The following ADAMTS17 variants were observed in gnomAD, a reference collection of about 807,000 sequenced individuals.
ADAMTS17 encodes A disintegrin and metalloproteinase with thrombospondin motifs 17.
A neutral mutation model predicts 141.5 loss-of-function variants in ADAMTS17; 113 were observed. That is an observed-to-expected ratio of 0.80 (90% CI 0.69 to 0.93). The LOEUF (loss-of-function observed/expected upper bound fraction) is 0.93. Ranked by LOEUF, ADAMTS17 falls within the 40% of genes least tolerant of loss-of-function variation. The pLI is 0.00. For missense variants in ADAMTS17, 1,659 were observed against 1,517.9 expected (o/e 1.09, Z -1.54); for synonymous variants, 768 against 630.6 (o/e 1.22, Z -3.27).
chr15:100,280,723 G>A (rs759224086), intron 4 of ADAMTS17, among the ~76,000 whole-genome samples: 1 of 152,152 alleles, frequency 6.6e-6, no homozygotes. Flanking sequence ...AACATTTGAG[G>A]AGTCAGCCTC....
At chr15:100,166,954 G>A (rs186997396) in intron 8 of ADAMTS17, among the ~76,000 whole-genome samples, 1 of 152,224 alleles carries the variant, frequency 6.6e-6, no homozygotes, top group South Asian at 2.1e-4. Context: ...GCAGGCTATT[G>A]GTATGTAGCC....
In ADAMTS17 at chr15:100,048,869, G is replaced by A. The variant is rs1442671769; in HGVS notation, c.2579C>T (p.Pro860Leu). 6.2e-7 allele frequency: 1 copy of A among 1,614,170 alleles called. No homozygotes were observed. Among genetic ancestry groups the A allele is most frequent in the South Asian group, 1.1e-5 (1 of 91,088 alleles). Residue 860 changes from proline to leucine, a missense_variant, in exon 18 of 22, where the codon CCC (proline) becomes CTC (leucine). Transcript: ENST00000268070. ...EPQVRRCNLH[P>L]CQSRWVAGPW... ...CCCAGCTTCTTACCGTGACTGGCAG[G>A]GGTGCAAGTTGCACCTTCGGACCTG...
chr15:100,145,404 A>G (rs2038853911), intron 10 of ADAMTS17, among the ~76,000 whole-genome samples: 1 of 152,234 alleles, frequency 6.6e-6, no homozygotes, highest in African/African-American at 2.4e-5. Flanking sequence ...TACAGCATCT[A>G]GCAAGTAGTA....
At chr15:100,217,762 G>A (rs1567372839) in intron 7 of ADAMTS17, among the ~76,000 whole-genome samples, 1 of 152,134 alleles carries the variant, frequency 6.6e-6, no homozygotes, top group Non-Finnish European at 1.5e-5. Context: ...TTCCCACAGT[G>A]GGAAATGATA....
intron 3 of ADAMTS17, among the ~76,000 whole-genome samples, chr15:100,293,446 C>CT (rs577359631): frequency 1.1e-4 from 17 of 152,106 alleles, no homozygotes; most frequent in South Asian, 6.2e-4. Context: ...GGAGATAATG[C>CT]TTTTTTTTCT....
chr15:100,086,528 AT>A (rs2035111724), intron 15 of ADAMTS17, among the ~76,000 whole-genome samples: 1 of 152,160 alleles, frequency 6.6e-6, no homozygotes, highest in African/African-American at 2.4e-5. Context: ...TCCACCCCAA[AT>A]CAACAGAATA....
At chr15:100,060,270 G>C (rs12915818) in intron 15 of ADAMTS17, among the ~76,000 whole-genome samples, 81,237 of 152,176 alleles carry the variant, frequency 0.53, 24,658 homozygotes, top group Non-Finnish European at 0.69. Context: ...GCTCTCAACA[G>C]TTAGACTTCT....
intron 15 of ADAMTS17, among the ~76,000 whole-genome samples, chr15:100,090,881 G>A (rs1333377552): frequency 6.6e-6 from 1 of 151,840 alleles, no homozygotes; most frequent in South Asian, 2.1e-4. Flanking sequence ...GGTGGTGCAT[G>A]CCAGTAATCT....
chr15:100,004,107 T>A (rs77221208), intron 18 of ADAMTS17, among the ~76,000 whole-genome samples: 1,828 of 152,356 alleles, frequency 0.012, 31 homozygotes, highest in African/African-American at 0.038. Context: ...AGAAGCGAAG[T>A]GTTTCTTAAG....
intron 3 of ADAMTS17, among the ~76,000 whole-genome samples, chr15:100,328,172 A>G (rs1431949379): frequency 6.6e-6 from 1 of 152,190 alleles, no homozygotes; most frequent in African/African-American, 2.4e-5. Context: ...TAATCTGATT[A>G]ATCTTTCTAG....
chr15:100,053,183 G>T (rs1361124809), intron 16 of ADAMTS17, among the ~76,000 whole-genome samples: 1 of 152,218 alleles, frequency 6.6e-6, no homozygotes, highest in Non-Finnish European at 1.5e-5. Context: ...GCCATCAGAA[G>T]TTAGCCATGA....
chr15:100,238,183 C>G (rs1201675902), intron 7 of ADAMTS17, among the ~76,000 whole-genome samples: 2 of 152,228 alleles, frequency 1.3e-5, no homozygotes, highest in African/African-American at 4.8e-5. Flanking sequence ...ACGGGTTGCA[C>G]ATGAGTGTAA....
At chr15:100,005,257 T>C (rs1241325190) in intron 18 of ADAMTS17, among the ~76,000 whole-genome samples, 1 of 152,210 alleles carries the variant, frequency 6.6e-6, no homozygotes, top group Non-Finnish European at 1.5e-5. Context: ...AGTGCTACTG[T>C]AACAAATTAC....
intron 7 of ADAMTS17, among the ~76,000 whole-genome samples, chr15:100,253,368 AGG>A: frequency 1.2e-5 from 1 of 80,544 alleles, no homozygotes; most frequent in Non-Finnish European, 2.5e-5. Flanking sequence ...GGGAAGGTAG[AGG>A]GGGAGGGGAA....
intron 8 of ADAMTS17, among the ~76,000 whole-genome samples, chr15:100,160,026 C>T (rs985137623): frequency 2.7e-5 from 4 of 150,794 alleles, no homozygotes; most frequent in African/African-American, 9.8e-5. Flanking sequence ...TCAAATACCC[C>T]ACTCAGAAAA....
chr15:100,030,712 T>C (rs2030070389), intron 18 of ADAMTS17, among the ~76,000 whole-genome samples: 1 of 152,194 alleles, frequency 6.6e-6, no homozygotes. Context: ...GCTGTTGCAA[T>C]TTACTCTGAA....
chr15:100,043,644 C>A (rs770931448), intron 18 of ADAMTS17, among the ~76,000 whole-genome samples: 3 of 152,300 alleles, frequency 2.0e-5, no homozygotes, highest in Non-Finnish European at 4.4e-5. Flanking sequence ...ACAAATTTTA[C>A]ATGTTTTAAA....
At chr15:100,330,145 A>G (rs1003822942) in intron 3 of ADAMTS17, among the ~76,000 whole-genome samples, 1 of 152,334 alleles carries the variant, frequency 6.6e-6, no homozygotes, top group Non-Finnish European at 1.5e-5. Context: ...AGGGTTGTTC[A>G]AAGAGAGACC....
rs536073338 is a variant in ADAMTS17, at chr15:100,257,442, TC to T, written c.1032-3264del. 2.9e-4 allele frequency among the ~76,000 whole-genome samples: 44 copies of T among 152,340 alleles called. No individual in the cohort carries two copies. In the South Asian group the frequency reaches 9.1e-3, roughly 32 times the overall value. On this transcript the variant is annotated intron_variant, in intron 6 of 21. Coordinates refer to ENST00000268070, the MANE Select transcript of ADAMTS17 (RefSeq NM_139057.4). ...ACGGGACGTGCACTGATCTGTTCAG[TC>T]CAGCAGCTCCACAGCAGCAGGTGAG...
Sources: allele counts gnomAD v4.1 joint callset (sites outside exome capture counted in the v4.1 genomes callset), GRCh38; gene constraint gnomAD v4.1.1; transcripts MANE v1.5; gene names NCBI Gene and HGNC (gene_info 2026-07-23, HGNC 2026-07-21).